The following SLC35E4 variants were observed in gnomAD, a reference collection of about 807,000 sequenced individuals.
SLC35E4 encodes solute carrier family 35 member E4.
In SLC35E4, 15 loss-of-function variants were observed where a neutral mutation model predicts 19.3. The observed-to-expected ratio is 0.78, with a 90% CI of 0.52 to 1.20. The LOEUF (loss-of-function observed/expected upper bound fraction) is 1.20, where lower values mean the gene tolerates loss of function less well. Among genes scored for constraint, SLC35E4 ranks in the 50% most tolerant of loss-of-function variants. The pLI is 0.00. For missense variants in SLC35E4, 406 were observed against 472.3 expected, an observed-to-expected ratio of 0.86 and a Z score of 1.30; for synonymous variants, 219 against 219.9, an observed-to-expected ratio of 1.00 and a Z score of 0.04.
At chr22:30,643,464 G>A (rs2088079403) in intron 1 of SLC35E4, among the ~76,000 whole-genome samples, 1 of 152,168 alleles carries the variant, frequency 6.6e-6, no homozygotes, top group South Asian at 2.1e-4. Context: ...ATTTGTTGGG[G>A]CCTCCCTAGG....
At chr22:30,639,341 A>G (rs1224268119) in intron 1 of SLC35E4, among the ~76,000 whole-genome samples, 9 of 152,172 alleles carry the variant, frequency 5.9e-5, no homozygotes. Context: ...CACAAGGCAA[A>G]TGGAGGCAGG....
chr22:30,661,256 T>C (rs2088458307), intron 2 of SLC35E4, among the ~76,000 whole-genome samples: 1 of 152,124 alleles, frequency 6.6e-6, no homozygotes, highest in African/African-American at 2.4e-5. Flanking sequence ...AATCCAAAAA[T>C]GTGAAATGCT....
chr22:30,657,297 ACACAC>A (rs374992546), intron 2 of SLC35E4, among the ~76,000 whole-genome samples: 63,148 of 149,384 alleles, frequency 0.42, 15,602 homozygotes, highest in South Asian at 0.61. Context: ...ACACACACAC[ACACAC>A]ACACAAATTA....
At position 30,647,628 on chromosome 22, in the gene SLC35E4, A is replaced by G. The variant is rs2088157721; in HGVS notation, c.*597A>G. 6.6e-6 allele frequency: 1 copy of G among 152,250 alleles called. No homozygotes were observed. The highest frequency in any genetic ancestry group is 6.5e-5 in the Admixed American group (1 of 15,282). 9.4% of individuals were successfully genotyped at this position (152,250 alleles called of 1,614,324 possible). ...CTTGTCAGAGTCATTATTATGATTA[A>G]TATCAATTACGATGCCAAAAATTGC... On this transcript the variant is annotated 3_prime_UTR_variant, in exon 2 of 2. Coordinates refer to ENST00000343605, the MANE Select transcript of SLC35E4 (RefSeq NM_001001479.4).
rs546714076 is a variant in SLC35E4, at chr22:30,645,258, A to G, written c.620-1340A>G. 2.0e-5 allele frequency among the ~76,000 whole-genome samples: 3 copies of G among 152,238 alleles called. No homozygotes were observed. The East Asian group carries it at 5.8e-4, about 29-fold the overall frequency. On this transcript the variant is annotated intron_variant, in intron 1 of 1. Transcript: ENST00000343605. ...GGGAGTGATAGGGGCTGAGGCGGGA[A>G]AGGTGGTTGGGGCCAGTTGATGCAG...
Position 30,636,317 on chromosome 22 carries a change from A to G in SLC35E4, c.-134A>G. 1 of 1,226,938 alleles carries G rather than the reference A, an allele frequency of 8.2e-7. No individual in the cohort carries two copies. Among genetic ancestry groups the G allele is most frequent in the Middle Eastern group, 2.9e-4 (1 of 3,486 alleles). 76.0% of individuals were successfully genotyped at this position (1,226,938 alleles called of 1,614,324 possible). A position where few individuals can be genotyped will look rare whatever the true frequency, so the allele number is the denominator to read the frequency against. ...TGGCACAGGCCTGGCACAAGTAAGCAGTGTCCTCACCTGTCTGAAACGGGA... is the reference window on the plus strand; with the variant it reads ...TGGCACAGGCCTGGCACAAGTAAGCGGTGTCCTCACCTGTCTGAAACGGGA... On this transcript the variant is annotated 5_prime_UTR_variant, in exon 1 of 2. Transcript: ENST00000343605.
chr22:30,659,055 C>T (rs1200591936), intron 2 of SLC35E4, among the ~76,000 whole-genome samples: 2 of 139,708 alleles, frequency 1.4e-5, no homozygotes, highest in Non-Finnish European at 3.0e-5. Context: ...ACCTGGGAGG[C>T]GGAGTTTGCA....
At chr22:30,649,374 G>A (rs2088177240), downstream of SLC35E4, 6 of 623,890 alleles carry the variant, frequency 9.6e-6, no homozygotes, top group South Asian at 5.8e-5. Flanking sequence ...TGGGGCTGTG[G>A]TCTATGGAGA....
downstream of SLC35E4, among the ~76,000 whole-genome samples, chr22:30,666,040 C>T (rs1217720415): frequency 2.0e-5 from 3 of 152,142 alleles, 1 homozygote; most frequent in Admixed American, 1.3e-4. Context: ...GCATCAGGCT[C>T]ATTCCCGGAA....
rs760131580 is a variant in SLC35E4 at position 30,636,470 on chromosome 22, A to C, written c.20A>C (p.Glu7Ala). 1.3e-6 allele frequency: 2 copies of C among 1,503,220 alleles called. No individual in the cohort carries two copies. The highest frequency in any genetic ancestry group is 2.5e-5 in the South Asian group (2 of 79,370). The allele number at this position is 1,503,220 out of a possible 1,614,324, so 93.1% of individuals were successfully genotyped here. A position where few individuals can be genotyped will look rare whatever the true frequency, so the allele number is the denominator to read the frequency against. The change falls in exon 1 of 2, where the codon GAG (glutamate) becomes GCG (alanine). Residue 7 changes from glutamate to alanine, a missense_variant. Physicochemically the swap from Glu to Ala is moderately radical, Grantham distance 107. Coordinates refer to ENST00000343605, the MANE Select transcript of SLC35E4 (RefSeq NM_001001479.4). The stretch of plus-strand genomic sequence containing the variant: ...GTGCGGATGTGCCGCTGCCCGCCGG[A>C]GCACCATGATGGCAGGATGACCTCA... Reference protein sequence around the residue: MCRCPPEHHDGRMTSAE... With the variant: MCRCPPAHHDGRMTSAE...
At chr22:30,645,661 T>C (rs2088117390) in intron 1 of SLC35E4, among the ~76,000 whole-genome samples, 1 of 151,238 alleles carries the variant, frequency 6.6e-6, no homozygotes, top group African/African-American at 2.4e-5. Context: ...TGAAGATTTA[T>C]TTTTATTTTT....
At position 30,636,160 on chromosome 22, in the gene SLC35E4, G is replaced by A; in HGVS notation, c.-291G>A. ...GTGGGCACTAGGCGAGGAGGAAAGT[G>A]GAGACCACCTGGCACGGGGCAGAGG... On this transcript the variant is annotated 5_prime_UTR_variant, in exon 1 of 2. Coordinates refer to ENST00000343605, the MANE Select transcript of SLC35E4 (RefSeq NM_001001479.4). The A allele has an allele frequency of 2.4e-6, 1 of 418,236 alleles. No homozygotes were observed. Among genetic ancestry groups the A allele is most frequent in the South Asian group, 7.0e-5 (1 of 14,320 alleles). 25.9% of individuals were successfully genotyped at this position (418,236 alleles called of 1,614,324 possible).
At chr22:30,641,717 AATTTTT>A (rs1569057692) in intron 1 of SLC35E4, among the ~76,000 whole-genome samples, 3 of 73,738 alleles carry the variant, frequency 4.1e-5, no homozygotes, top group East Asian at 3.4e-4. Flanking sequence ...GCTAATTTTT[AATTTTT>A]TTTTTTTTTT....
chr22:30,665,199 G>A (rs2088604725), downstream of SLC35E4: 5 of 185,532 alleles, frequency 2.7e-5, no homozygotes, highest in South Asian at 3.9e-4. Flanking sequence ...TCAAGGCCAA[G>A]TGGCAGTCTT....
At chr22:30,642,282 C>T (rs1390719087) in intron 1 of SLC35E4, among the ~76,000 whole-genome samples, 5 of 151,842 alleles carry the variant, frequency 3.3e-5, no homozygotes, top group Non-Finnish European at 4.4e-5. Context: ...GCTGGGATTA[C>T]GGGCATGAGC....
At chr22:30,656,357 G>C (rs2088338389) in intron 2 of SLC35E4, among the ~76,000 whole-genome samples, 1 of 152,130 alleles carries the variant, frequency 6.6e-6, no homozygotes, top group Admixed American at 6.6e-5. Flanking sequence ...CTGCCCCTGG[G>C]ATTTGTAATT....
chr22:30,646,852 G>A lies in SLC35E4; in HGVS notation c.874G>A (p.Val292Met), dbSNP rs753029619. 101 of 1,614,096 alleles carry A rather than the reference G, an allele frequency of 6.3e-5. No homozygotes were observed. Among genetic ancestry groups the A allele is most frequent in the Middle Eastern group, 1.6e-4 (1 of 6,084 alleles). The change falls in exon 2 of 2, where the codon GTG becomes ATG. Residue 292 changes from valine (V) to methionine (M), a missense_variant. By Grantham distance (21) the Val-to-Met change is conservative. Transcript: ENST00000343605. ...LTVHVLGNLT[V>M]VGNLILSRLL... The stretch of plus-strand genomic sequence containing the variant: ...CGTCCACGTCCTGGGCAACCTCACC[G>A]TGGTGGGCAACCTCATCCTGTCCCG...
intron 2 of SLC35E4, among the ~76,000 whole-genome samples, chr22:30,657,177 G>A (rs920845136): frequency 6.6e-6 from 1 of 152,040 alleles, no homozygotes; most frequent in Non-Finnish European, 1.5e-5. Flanking sequence ...GCTCACACCT[G>A]TAATCCCAGC....
downstream of SLC35E4, among the ~76,000 whole-genome samples, chr22:30,650,090 G>T (rs190663565): frequency 2.6e-4 from 39 of 149,572 alleles, 2 homozygotes; most frequent in Non-Finnish European, 4.7e-4. Flanking sequence ...CCAGTACTTT[G>T]GGAGTCCGAG....
Sources: gnomAD v4.1 joint callset for allele counts (sites outside exome capture counted in the v4.1 genomes callset) on GRCh38, gnomAD v4.1.1 for gene constraint, MANE v1.5 for transcripts, NCBI Gene and HGNC (gene_info 2026-07-23, HGNC 2026-07-21) for gene names.